The following TFCP2L1 variants were observed in gnomAD, a reference collection of about 807,000 sequenced individuals.
TFCP2L1 encodes the protein transcription factor CP2 like 1.
TFCP2L1 carries 12 observed loss-of-function variants against 72.2 expected under a neutral mutation model. That is an observed-to-expected ratio of 0.17 (90% CI 0.11 to 0.27). TFCP2L1 has a LOEUF of 0.27. TFCP2L1 is among the 10% of genes least tolerant of loss of function. The pLI is 1.00. For missense variants in TFCP2L1, 488 were observed against 624.6 expected, an observed-to-expected ratio of 0.78 and a Z score of 2.33; for synonymous variants, 260 against 251.0, an observed-to-expected ratio of 1.04 and a Z score of -0.34.
intron 10 of TFCP2L1, among the ~76,000 whole-genome samples, chr2:121,235,827 T>G (rs1686238389): frequency 6.6e-6 from 1 of 151,942 alleles, no homozygotes; most frequent in South Asian, 2.1e-4. Context: ...GCTCGCTGGA[T>G]GCTGACAATC....
intron 2 of TFCP2L1, among the ~76,000 whole-genome samples, chr2:121,270,160 T>C (rs1216418757): frequency 6.6e-6 from 1 of 152,022 alleles, no homozygotes; most frequent in Non-Finnish European, 1.5e-5. Flanking sequence ...GACCCTATAT[T>C]TTCCCCACCA....
intron 2 of TFCP2L1, among the ~76,000 whole-genome samples, chr2:121,277,891 T>C (rs1028689482): frequency 6.6e-6 from 1 of 152,212 alleles, no homozygotes; most frequent in Admixed American, 6.5e-5. Context: ...TTTAATTGTC[T>C]TCCTTTTGCT....
intron 2 of TFCP2L1, among the ~76,000 whole-genome samples, chr2:121,254,874 G>A (rs1686685115): frequency 6.6e-6 from 1 of 151,920 alleles, no homozygotes; most frequent in Non-Finnish European, 1.5e-5. Context: ...TGCCTCTAGG[G>A]AACAGCTGCA....
At chr2:121,250,180 A>G (rs1686575899) in intron 2 of TFCP2L1, among the ~76,000 whole-genome samples, 1 of 152,226 alleles carries the variant, frequency 6.6e-6, no homozygotes, top group Non-Finnish European at 1.5e-5. Context: ...ATTCAGGGAC[A>G]TATAACTAGC....
rs556971712 is a variant in TFCP2L1, at chr2:121,225,835, C to T, written c.1342-222G>A. Reference sequence around the variant, plus strand: ...CACGGTGCCCACACACACGGGAACACGGTAAACACCACTGCCACGGTGCCC... The same window carrying T: ...CACGGTGCCCACACACACGGGAACATGGTAAACACCACTGCCACGGTGCCC... On this transcript the variant is annotated intron_variant, in intron 13 of 14. Coordinates refer to ENST00000263707, the MANE Select transcript of TFCP2L1 (RefSeq NM_014553.3). Among the ~76,000 whole-genome samples the T allele has an allele frequency of 1.6e-3, 237 of 144,940 alleles. 3 individuals carry two copies. Among genetic ancestry groups the T allele is most frequent in the African/African-American group, 5.4e-3 (204 of 37,752 alleles).
At chr2:121,267,579 C>T (rs1466764717) in intron 2 of TFCP2L1, among the ~76,000 whole-genome samples, 7 of 151,790 alleles carry the variant, frequency 4.6e-5, no homozygotes, top group Non-Finnish European at 7.4e-5. Flanking sequence ...CTGCAATCTC[C>T]GCCTCCCGGA....
At chr2:121,275,568 CTTTTTTTT>C (rs931104631) in intron 2 of TFCP2L1, among the ~76,000 whole-genome samples, 6 of 121,744 alleles carry the variant, frequency 4.9e-5, no homozygotes, top group African/African-American at 1.8e-4. Flanking sequence ...AGAAGTAAGT[CTTTTTTTT>C]TTTTTTTTTT....
In TFCP2L1 at chr2:121,237,662, T is replaced by C; in HGVS notation, c.964A>G (p.Arg322Gly). 1 of 1,614,174 alleles carries C rather than the reference T, an allele frequency of 6.2e-7. No homozygotes were observed. Among genetic ancestry groups the C allele is most frequent in the Non-Finnish European group, 8.5e-7 (1 of 1,180,034 alleles). Reference protein sequence around the residue: ...QDAQQWLHRNRFSQFCRLFAS... With the variant: ...QDAQQWLHRNGFSQFCRLFAS... ...AAGAGCCGGCAGAACTGCGAGAACC[T>C]GTTGCGGTGAAGCCACTGCTGGGCA... Residue 322 changes from arginine to glycine, a missense_variant, in exon 10 of 15, where the codon AGG (arginine) becomes GGG (glycine). Arg to Gly is a moderately radical substitution (Grantham distance 125). Coordinates refer to ENST00000263707, the MANE Select transcript of TFCP2L1 (RefSeq NM_014553.3).
intron 13 of TFCP2L1, among the ~76,000 whole-genome samples, chr2:121,228,364 G>A (rs545828493): frequency 2.6e-4 from 39 of 152,024 alleles, no homozygotes; most frequent in South Asian, 1.0e-3. Context: ...GCTGTCCACT[G>A]CTCACAGCAT....
chr2:121,271,673 T>G (rs1687050523), intron 2 of TFCP2L1, among the ~76,000 whole-genome samples: 1 of 152,248 alleles, frequency 6.6e-6, no homozygotes, highest in South Asian at 2.1e-4. Flanking sequence ...TACTTATTGT[T>G]TGCCAGGTAT....
At chr2:121,259,059 C>T (rs1164175821) in intron 2 of TFCP2L1, among the ~76,000 whole-genome samples, 3 of 152,046 alleles carry the variant, frequency 2.0e-5, no homozygotes, top group Non-Finnish European at 2.9e-5. Context: ...ACCAGCCTGA[C>T]CAATATGGTG....
chr2:121,235,258 C>T lies in TFCP2L1; in HGVS notation c.1057G>A (p.Ala353Thr), dbSNP rs767811126. ...RDDLVQICGP[A>T]DGIRLFNAIK... ...GCGTTGAAGAGCCGGATCCCATCTGCGGGACCACAGATCTGGACCAAATCA... is the reference window on the plus strand; with the variant it reads ...GCGTTGAAGAGCCGGATCCCATCTGTGGGACCACAGATCTGGACCAAATCA... Residue 353 changes from alanine (A) to threonine (T), a missense_variant, in exon 11 of 15, where the codon GCA becomes ACA. By Grantham distance (58) the Ala-to-Thr change is moderately conservative. Around this residue, in one of 3 missense-constraint regions of TFCP2L1, gnomAD observed 286 missense variants for 329.0 expected, o/e 0.87. Transcript: ENST00000263707. 8 of 1,614,024 alleles carry T rather than the reference C, an allele frequency of 5.0e-6. No individual in the cohort carries two copies. The highest frequency in any genetic ancestry group is 2.7e-5 in the African/African-American group (2 of 74,904).
chr2:121,265,726 C>T (rs1686917133), intron 2 of TFCP2L1, among the ~76,000 whole-genome samples: 2 of 151,888 alleles, frequency 1.3e-5, no homozygotes, highest in African/African-American at 2.4e-5. Context: ...TCAGAAGATC[C>T]GCCTGCCTCG....
At chr2:121,255,128 T>C (rs1686688935) in intron 2 of TFCP2L1, among the ~76,000 whole-genome samples, 2 of 152,196 alleles carry the variant, frequency 1.3e-5, no homozygotes, top group Non-Finnish European at 1.5e-5. Context: ...CCAGTGGGTG[T>C]CACGTGCTGG....
At chr2:121,250,860 C>T (rs1312321548) in intron 2 of TFCP2L1, among the ~76,000 whole-genome samples, 9 of 151,904 alleles carry the variant, frequency 5.9e-5, no homozygotes, top group Admixed American at 5.9e-4. Context: ...CCACCTTGGC[C>T]TCCCAAAGTG....
rs1685850901 is a variant in TFCP2L1, at chr2:121,217,148, A to C, written c.*7193T>G. The C allele has an allele frequency of 1.3e-5, 2 of 152,268 alleles. 1 individual carries two copies. Among genetic ancestry groups the C allele is most frequent in the South Asian group, 4.1e-4 (2 of 4,830 alleles). 9.4% of individuals were successfully genotyped at this position (152,268 alleles called of 1,614,324 possible). On this transcript the variant is annotated 3_prime_UTR_variant, in exon 15 of 15. Coordinates refer to ENST00000263707, the MANE Select transcript of TFCP2L1 (RefSeq NM_014553.3). Reference sequence around the variant, plus strand: ...CAGGAAGCTCAACCTGGCTCGGGCCATCAGTAGCTGTGGGACCCTGGCCCC... The same window carrying C: ...CAGGAAGCTCAACCTGGCTCGGGCCCTCAGTAGCTGTGGGACCCTGGCCCC...
chr2:121,271,890 G>A lies in TFCP2L1; in HGVS notation c.214+9230C>T, dbSNP rs74465191. The stretch of plus-strand genomic sequence containing the variant: ...CTGAGGTTGCTGTGAGTGGAAAACA[G>A]GAGGGTTGGGGGTAGGGTAGGAGCA... On this transcript the variant is annotated intron_variant, in intron 2 of 14. Coordinates refer to ENST00000263707, the MANE Select transcript of TFCP2L1 (RefSeq NM_014553.3). 7.8e-3 allele frequency among the ~76,000 whole-genome samples: 1,189 copies of A among 152,278 alleles called. 23 individuals carry two copies. The highest frequency in any genetic ancestry group is 0.027 in the African/African-American group (1,126 of 41,556).
intron 2 of TFCP2L1, among the ~76,000 whole-genome samples, chr2:121,251,243 G>C (rs925349882): frequency 6.6e-6 from 1 of 151,666 alleles, no homozygotes; most frequent in African/African-American, 2.4e-5. Context: ...GCGAGAGAGT[G>C]AGACTTGGTC....
At chr2:121,252,329 G>T (rs564421179) in intron 2 of TFCP2L1, among the ~76,000 whole-genome samples, 2 of 152,066 alleles carry the variant, frequency 1.3e-5, no homozygotes, top group Admixed American at 1.3e-4. Context: ...TTATAGGCAC[G>T]AGCCACCACG....
Sources: allele counts gnomAD v4.1 joint callset (sites outside exome capture counted in the v4.1 genomes callset), GRCh38; gene constraint gnomAD v4.1.1; regional missense constraint gnomAD v4.1.1; transcripts MANE v1.5; gene names NCBI Gene and HGNC (gene_info 2026-07-23, HGNC 2026-07-21).